Variants in GAREM1 observed in about 807,000 individuals in gnomAD.
GAREM1 encodes GRB2 associated regulator of MAPK1 subtype 1.
Under a neutral mutation model 71.3 loss-of-function variants are expected in GAREM1, and 26 were observed. The ratio of observed to expected loss-of-function variants is 0.36; its 90% confidence interval spans 0.27 to 0.51. The LOEUF (loss-of-function observed/expected upper bound fraction) is 0.51, where lower values mean the gene tolerates loss of function less well. Among genes scored for constraint, GAREM1 ranks in the 20% least tolerant of loss-of-function variants. The pLI, the probability that GAREM1 is intolerant of heterozygous loss-of-function variation, is 0.95. For missense variants in GAREM1, 1,026 were observed against 1,103.1 expected (o/e 0.93, Z 0.99); for synonymous variants, 440 against 433.2 (o/e 1.02, Z -0.20).
At chr18:32,391,735 T>C (rs564481854) in intron 2 of GAREM1, among the ~76,000 whole-genome samples, 2 of 152,308 alleles carry the variant, frequency 1.3e-5, no homozygotes, top group South Asian at 2.1e-4. Context: ...TAATGCTTTC[T>C]ACAAGTATAC....
rs569106398 is a variant in GAREM1 at position 32,462,829 on chromosome 18, G to A, written c.121+7479C>T. 2.0e-5 allele frequency among the ~76,000 whole-genome samples: 3 copies of A among 152,248 alleles called. No individual in the cohort carries two copies. The South Asian group carries it at 6.2e-4, about 32-fold the overall frequency. On this transcript the variant is annotated intron_variant, in intron 1 of 5. Transcript: ENST00000269209. Reference sequence around the variant, plus strand: ...GGAGTTCAGTAATAGATGATAGATAGGGGTCCAGCAATCCCACTATGGGTT... The same window carrying A: ...GGAGTTCAGTAATAGATGATAGATAAGGGTCCAGCAATCCCACTATGGGTT...
At position 32,453,181 on chromosome 18, in the gene GAREM1, T is replaced by C. The variant is rs373791691; in HGVS notation, c.121+17127A>G. 8.5e-5 allele frequency among the ~76,000 whole-genome samples: 13 copies of C among 152,172 alleles called. No individual in the cohort carries two copies. In the East Asian group the frequency reaches 1.4e-3, roughly 16 times the overall value. Reference sequence around the variant, plus strand: ...AGAACCAAGCAAAAGGGGAAACCTCTTAAAAAACCATCAGATCTGGTGAGA... The same window carrying C: ...AGAACCAAGCAAAAGGGGAAACCTCCTAAAAAACCATCAGATCTGGTGAGA... On this transcript the variant is annotated intron_variant, in intron 1 of 5. Coordinates refer to ENST00000269209, the MANE Select transcript of GAREM1 (RefSeq NM_001242409.2).
intron 2 of GAREM1, among the ~76,000 whole-genome samples, chr18:32,364,026 A>ATATATATATATATTTTTTTTTTTTTTTTT (rs1336753011): frequency 4.3e-5 from 2 of 46,418 alleles, no homozygotes; most frequent in Non-Finnish European, 6.9e-5. Flanking sequence ...ATATATATAT[A>ATATATATATATATTTTTTTTTTTTTTTTT]TGTTTTTTTT....
Position 32,470,053 on chromosome 18 carries a change from C to G in GAREM1, c.121+255G>C, listed in dbSNP as rs1049375698. Among the ~76,000 whole-genome samples, 3 of 151,428 alleles carry G rather than the reference C, an allele frequency of 2.0e-5. No individual in the cohort carries two copies. Among genetic ancestry groups the G allele is most frequent in the Non-Finnish European group, 2.9e-5 (2 of 67,840 alleles). ...GTCCAAGATTACGATCTGCAGAGGT[C>G]TCCCTATGTTGACTTTTTTTTTAGG... On this transcript the variant is annotated intron_variant, in intron 1 of 5. Transcript: ENST00000269209. The surrounding 1 kb of genome is among the most constrained non-coding windows in gnomAD (Gnocchi z 4.4).
chr18:32,411,490 TTTC>T (rs1369868007), intron 1 of GAREM1, among the ~76,000 whole-genome samples: 16 of 152,146 alleles, frequency 1.1e-4, no homozygotes, highest in Admixed American at 8.5e-4. Flanking sequence ...CAGAAAAATA[TTTC>T]TTTTTTTTTT....
At chr18:32,444,139 T>C (rs1473221398) in intron 1 of GAREM1, among the ~76,000 whole-genome samples, 8 of 152,096 alleles carry the variant, frequency 5.3e-5, no homozygotes, top group Admixed American at 5.2e-4. Flanking sequence ...TGACTGCAAA[T>C]GGGTGCAAGG....
chr18:32,304,067 G>A (rs764592469), intron 3 of GAREM1, among the ~76,000 whole-genome samples: 115 of 152,218 alleles, frequency 7.6e-4, no homozygotes, highest in Admixed American at 3.2e-3. Context: ...AGCACTTTGG[G>A]AGGCCGAGGA....
intron 2 of GAREM1, among the ~76,000 whole-genome samples, chr18:32,314,463 C>A (rs758737992): frequency 6.6e-6 from 1 of 152,104 alleles, no homozygotes; most frequent in Non-Finnish European, 1.5e-5. Flanking sequence ...CTTCAAGGGC[C>A]GCCATGAGGA....
At chr18:32,283,616 G>A (rs2046977601) in intron 4 of GAREM1, among the ~76,000 whole-genome samples, 1 of 152,040 alleles carries the variant, frequency 6.6e-6, no homozygotes, top group Admixed American at 6.6e-5. Context: ...GAGGACTAGA[G>A]CATACAATTC....
intron 2 of GAREM1, among the ~76,000 whole-genome samples, chr18:32,325,117 C>G (rs1024473260): frequency 1.5e-4 from 23 of 152,084 alleles, no homozygotes; most frequent in Admixed American, 1.2e-3. Context: ...CGCCACCATG[C>G]CCAGCTAATT....
intron 1 of GAREM1, among the ~76,000 whole-genome samples, chr18:32,399,359 T>A (rs1465108555): frequency 6.6e-6 from 1 of 152,176 alleles, no homozygotes; most frequent in Non-Finnish European, 1.5e-5. Flanking sequence ...GGGTATTCAA[T>A]TAGGAAAAGA....
chr18:32,343,608 G>C (rs1227622179), intron 2 of GAREM1, among the ~76,000 whole-genome samples: 1 of 152,062 alleles, frequency 6.6e-6, no homozygotes, highest in African/African-American at 2.4e-5. Context: ...GCCACAACAA[G>C]AGTACTTTTA....
At chr18:32,386,813 GGAGT>G (rs1310543328) in intron 2 of GAREM1, among the ~76,000 whole-genome samples, 1 of 152,106 alleles carries the variant, frequency 6.6e-6, no homozygotes, top group African/African-American at 2.4e-5. Context: ...ATGACAGAGG[GGAGT>G]GAGAGGAGAT....
chr18:32,378,012 CTGTGTGTGTGTGTGTGTG>C (rs1157230204), intron 2 of GAREM1, among the ~76,000 whole-genome samples: 17 of 131,812 alleles, frequency 1.3e-4, no homozygotes, highest in East Asian at 6.8e-4. Flanking sequence ...TACTATATAA[CTGTGTGTGTGTGTGTGTG>C]TGTGTGTGTG....
Position 32,409,039 on chromosome 18 carries a change from C to T in GAREM1, c.122-16004G>A, listed in dbSNP as rs28564514. Among the ~76,000 whole-genome samples, 867 of 152,262 alleles carry T rather than the reference C, an allele frequency of 5.7e-3. 11 individuals carry two copies. Among genetic ancestry groups the T allele is most frequent in the African/African-American group, 0.02 (812 of 41,550 alleles). ...TGCCTATCTTTCTTTGGAGCGTACACCACGAAACAAGCAGAAACCCTCATC... is the reference window on the plus strand; with the variant it reads ...TGCCTATCTTTCTTTGGAGCGTACATCACGAAACAAGCAGAAACCCTCATC... On this transcript the variant is annotated intron_variant, in intron 1 of 5. Coordinates refer to ENST00000269209, the MANE Select transcript of GAREM1 (RefSeq NM_001242409.2).
intron 1 of GAREM1, among the ~76,000 whole-genome samples, chr18:32,457,529 G>A (rs12962494): frequency 6.6e-6 from 1 of 151,434 alleles, no homozygotes; most frequent in African/African-American, 2.4e-5. Context: ...TCCCAATTGA[G>A]TCAAGGGGAA....
At chr18:32,339,026 C>T (rs1027220621) in intron 2 of GAREM1, among the ~76,000 whole-genome samples, 1 of 152,182 alleles carries the variant, frequency 6.6e-6, no homozygotes, top group Non-Finnish European at 1.5e-5. Context: ...ACCAGGTCTC[C>T]AGCCTGCTAG....
intron 2 of GAREM1, among the ~76,000 whole-genome samples, chr18:32,390,999 T>C (rs1748964356): frequency 6.6e-6 from 1 of 152,158 alleles, no homozygotes; most frequent in Non-Finnish European, 1.5e-5. Context: ...TCCAAAGGCT[T>C]CAGGTGTTTT....
At chr18:32,412,056 T>G in intron 1 of GAREM1, 1 of 695,604 alleles carries the variant, frequency 1.4e-6, no homozygotes, top group African/African-American at 1.8e-5. Context: ...TCCTCGAGTT[T>G]TTTGCCCATA....
Sources: allele counts gnomAD v4.1 joint callset (sites outside exome capture counted in the v4.1 genomes callset), GRCh38; gene constraint gnomAD v4.1.1; non-coding constraint Gnocchi (gnomAD v3.1); transcripts MANE v1.5; gene names NCBI Gene and HGNC (gene_info 2026-07-23, HGNC 2026-07-21).